BABAM2: variants seen among roughly 807,000 people sequenced by gnomAD.
BABAM2 encodes BRISC and BRCA1-A complex member 2.
Under a neutral mutation model 54.7 loss-of-function variants are expected in BABAM2, and 31 were observed. That is an observed-to-expected ratio of 0.57 (90% CI 0.43 to 0.77). BABAM2 has a LOEUF of 0.77. Ranked by LOEUF, BABAM2 falls within the 30% of genes least tolerant of loss-of-function variation. The pLI is 0.00. For synonymous variants in BABAM2, 167 were observed against 162.9 expected, an observed-to-expected ratio of 1.03 and a Z score of -0.19; for missense variants, 364 against 455.8, an observed-to-expected ratio of 0.80 and a Z score of 1.83.
intron 7 of BABAM2, among the ~76,000 whole-genome samples, chr2:28,232,002 C>T (rs1395157911): frequency 2.0e-5 from 3 of 151,506 alleles, no homozygotes; most frequent in Admixed American, 6.6e-5. Context: ...GATGGGATCT[C>T]GCTATGTTGC....
At chr2:28,181,646 C>T (rs1450332764) in intron 7 of BABAM2, among the ~76,000 whole-genome samples, 1 of 151,934 alleles carries the variant, frequency 6.6e-6, no homozygotes, top group African/African-American at 2.4e-5. Flanking sequence ...ACATTCTGTG[C>T]ATGTAACAAA....
intron 3 of BABAM2, among the ~76,000 whole-genome samples, chr2:27,935,490 G>A (rs1352171253): frequency 6.6e-6 from 1 of 152,206 alleles, no homozygotes; most frequent in Non-Finnish European, 1.5e-5. Flanking sequence ...GATAAGCAAA[G>A]AAAGTAGTTT....
intron 3 of BABAM2, among the ~76,000 whole-genome samples, chr2:27,986,094 T>C (rs1236171427): frequency 6.6e-6 from 1 of 152,138 alleles, no homozygotes; most frequent in African/African-American, 2.4e-5. Flanking sequence ...GCAGATCATA[T>C]TGACTGGAAG....
chr2:28,292,964 T>C (rs1012509275), intron 10 of BABAM2, among the ~76,000 whole-genome samples: 2 of 152,206 alleles, frequency 1.3e-5, no homozygotes, highest in African/African-American at 2.4e-5. Flanking sequence ...ACTTACTATA[T>C]GGTGATAGCT....
chr2:27,893,463 A>T (rs960373602), intron 1 of BABAM2, among the ~76,000 whole-genome samples: 3 of 152,150 alleles, frequency 2.0e-5, no homozygotes. Flanking sequence ...GGATCTTGTT[A>T]TATCTATTCC....
intron 6 of BABAM2, among the ~76,000 whole-genome samples, chr2:28,083,808 C>T (rs1665395210): frequency 6.6e-6 from 1 of 152,096 alleles, no homozygotes; most frequent in Non-Finnish European, 1.5e-5. Flanking sequence ...TGTTTCTTTA[C>T]TTGTGTATCT....
intron 2 of BABAM2, among the ~76,000 whole-genome samples, chr2:27,901,036 C>T (rs1665757209): frequency 1.0e-5 from 1 of 95,958 alleles, no homozygotes; most frequent in Non-Finnish European, 2.1e-5. Flanking sequence ...GAGTGAGACT[C>T]TGTCTCAAAA....
intron 10 of BABAM2, among the ~76,000 whole-genome samples, chr2:28,263,092 A>G (rs1355724086): frequency 1.4e-5 from 2 of 147,132 alleles, no homozygotes; most frequent in Non-Finnish European, 3.0e-5. Flanking sequence ...AAAATATGGT[A>G]TGATTCCACT....
intron 6 of BABAM2, among the ~76,000 whole-genome samples, chr2:28,111,393 G>C (rs1290337110): frequency 1.3e-5 from 2 of 151,924 alleles, no homozygotes; most frequent in African/African-American, 4.8e-5. Flanking sequence ...TGTATATTCT[G>C]GATATTAATC....
At chr2:28,030,868 A>C (rs1676247755) in intron 5 of BABAM2, among the ~76,000 whole-genome samples, 1 of 152,170 alleles carries the variant, frequency 6.6e-6, no homozygotes, top group Non-Finnish European at 1.5e-5. Flanking sequence ...GCCTTCTGGA[A>C]GCTCTAAAGG....
intron 4 of BABAM2, among the ~76,000 whole-genome samples, chr2:28,021,722 C>G (rs375259939): frequency 6.6e-6 from 1 of 151,920 alleles, no homozygotes. Context: ...TGTACCTTAT[C>G]CTTTTATTAG....
chr2:28,119,730 TA>T (rs922980729), intron 6 of BABAM2, among the ~76,000 whole-genome samples: 9 of 151,516 alleles, frequency 5.9e-5, no homozygotes, highest in African/African-American at 1.2e-4. Context: ...AAGATAGAAT[TA>T]AAAAAAAACT....
intron 11 of BABAM2, among the ~76,000 whole-genome samples, chr2:28,307,236 A>C (rs1227350793): frequency 7.2e-6 from 1 of 139,612 alleles, no homozygotes; most frequent in Non-Finnish European, 1.5e-5. Flanking sequence ...CAAACTCCTG[A>C]CCTCAAGTGA....
intron 8 of BABAM2, among the ~76,000 whole-genome samples, chr2:28,239,145 C>G (rs1558462831): frequency 6.6e-6 from 1 of 152,136 alleles, no homozygotes; most frequent in Non-Finnish European, 1.5e-5. Flanking sequence ...GCAAACTTAT[C>G]ATCTGTTTTT....
At chr2:28,269,579 T>C (rs1685249829) in intron 10 of BABAM2, among the ~76,000 whole-genome samples, 1 of 152,182 alleles carries the variant, frequency 6.6e-6, no homozygotes, top group Non-Finnish European at 1.5e-5. Flanking sequence ...TCCCTTCTCA[T>C]ACAGCAAACC....
chr2:28,076,580 C>G (rs1664701785), intron 6 of BABAM2, among the ~76,000 whole-genome samples: 1 of 152,060 alleles, frequency 6.6e-6, no homozygotes, highest in Non-Finnish European at 1.5e-5. Context: ...ACTGCAAGCT[C>G]TGCCTCCCGG....
intron 3 of BABAM2, among the ~76,000 whole-genome samples, chr2:27,947,210 C>G (rs1454058351): frequency 6.6e-6 from 1 of 151,970 alleles, no homozygotes; most frequent in African/African-American, 2.4e-5. Flanking sequence ...ATTGTTATGT[C>G]ATCTGTTTTT....
intron 2 of BABAM2, among the ~76,000 whole-genome samples, chr2:27,929,051 T>TA (rs374733074): frequency 0.66 from 75,925 of 114,538 alleles, 26,332 homozygotes; most frequent in Non-Finnish European, 0.77. Flanking sequence ...CCTCCTCTCT[T>TA]AAAAAAAAAA....
chr2:27,902,458 A>G (rs1045571698), intron 2 of BABAM2, among the ~76,000 whole-genome samples: 6 of 152,242 alleles, frequency 3.9e-5, no homozygotes, highest in African/African-American at 1.4e-4. Flanking sequence ...AGATGTATAC[A>G]TCTTCTATTT....
Sources: gnomAD v4.1 joint callset for allele counts (sites outside exome capture counted in the v4.1 genomes callset) on GRCh38, gnomAD v4.1.1 for gene constraint, MANE v1.5 for transcripts, NCBI Gene and HGNC (gene_info 2026-07-23, HGNC 2026-07-21) for gene names.